NINL: variants seen among roughly 807,000 people sequenced by gnomAD.
NINL encodes ninein like, also known as ninein-like protein.
NINL carries 153 observed loss-of-function variants against 160.3 expected under a neutral mutation model. That is an observed-to-expected ratio of 0.95 (90% CI 0.84 to 1.09). NINL has a LOEUF of 1.09. NINL is among the 50% of genes least tolerant of loss of function. NINL has a pLI of 0.00. For synonymous variants in NINL, 800 were observed against 734.8 expected (o/e 1.09, Z -1.43); for missense variants, 1,829 against 1,764.0 (o/e 1.04, Z -0.66).
In NINL at chr20:25,476,975, C is replaced by T. The variant is rs1220402769; in HGVS notation, c.2316G>A (p.Gly772=). ...GCTCCAGCTGCTCCGACCTCTGGCTCCCGCGTGGCAGGGGTCCCTGCGGCG... is the reference window on the plus strand; with the variant it reads ...GCTCCAGCTGCTCCGACCTCTGGCTTCCGCGTGGCAGGGGTCCCTGCGGCG... ...EEPPQGPLPR[G]SQRSEQLELE... The change falls in exon 17 of 24, where the codon GGG becomes GGA. Residue 772 remains glycine, a synonymous_variant. Transcript: ENST00000278886. 4 of 1,606,682 alleles carry T rather than the reference C, an allele frequency of 2.5e-6. No homozygotes were observed. Among genetic ancestry groups the T allele is most frequent in the Middle Eastern group, 1.6e-4 (1 of 6,084 alleles).
intron 7 of NINL, among the ~76,000 whole-genome samples, 173 bp downstream of exon 7, chr20:25,503,779 G>C (rs1207260127): frequency 6.6e-6 from 1 of 152,196 alleles, no homozygotes; most frequent in East Asian, 1.9e-4. Flanking sequence ...AATCTATGTG[G>C]CTCCAGAATC....
rs550222902 is a variant in NINL at position 25,550,537 on chromosome 20, C to A, written c.-11-23939G>T. Among the ~76,000 whole-genome samples, 10 of 152,166 alleles carry A rather than the reference C, an allele frequency of 6.6e-5. No homozygotes were observed. The East Asian group carries it at 1.9e-3, about 29-fold the overall frequency. On this transcript the variant is annotated intron_variant, in intron 1 of 23. Coordinates refer to ENST00000278886, the MANE Select transcript of NINL (RefSeq NM_025176.6). ...CAGTATTTATTGATCACTATCTATA[C>A]TATCTCGGTGAGGGGGATGTGGCAG...
chr20:25,508,160 G>A (rs977003597), intron 5 of NINL, among the ~76,000 whole-genome samples: 1 of 152,196 alleles, frequency 6.6e-6, no homozygotes, highest in African/African-American at 2.4e-5. Flanking sequence ...TGGAAGCTCA[G>A]GTCAGTTTCC....
chr20:25,459,017 G>A (rs562521824), intron 21 of NINL: 27 of 157,672 alleles, frequency 1.7e-4, no homozygotes, highest in Non-Finnish European at 1.4e-5. Context: ...ACTGTCTGCT[G>A]GAGGTGGGCT....
chr20:25,467,487 AC>A, intron 18 of NINL, 29 bp from the exon 19 acceptor site: 1 of 1,539,038 alleles, frequency 6.5e-7, no homozygotes, highest in Non-Finnish European at 9.0e-7. Context: ...TAACAGTGAT[AC>A]CACTTGTGAC....
At position 25,461,529 on chromosome 20, in the gene NINL, T is replaced by C; in HGVS notation, c.3689A>G (p.Gln1230Arg). 2 of 1,565,780 alleles carry C rather than the reference T, an allele frequency of 1.3e-6. No individual in the cohort carries two copies. The highest frequency in any genetic ancestry group is 1.7e-6 in the Non-Finnish European group (2 of 1,160,586). The change falls in exon 21 of 24, where the codon CAA (glutamine) becomes CGA (arginine). Residue 1230 changes from glutamine (Q) to arginine (R), a missense_variant. By Grantham distance (43) the Gln-to-Arg change is conservative (BLOSUM62 1). Coordinates refer to ENST00000278886, the MANE Select transcript of NINL (RefSeq NM_025176.6). ...SELTQTLEES[Q>R]DQVQGAHLRL... is the part of the protein sequence containing the mutation. ...GCCATCGCTCACACCCACCTGGTCT[T>C]GACTTTCCTCAAGGGTCTGGGTCAG...
chr20:25,559,413 G>A (rs73337346), intron 1 of NINL, among the ~76,000 whole-genome samples: 13,292 of 152,040 alleles, frequency 0.087, 962 homozygotes, highest in African/African-American at 0.2. Flanking sequence ...ACTAATTTTT[G>A]TATTTTTATT....
intron 3 of NINL, among the ~76,000 whole-genome samples, chr20:25,516,052 G>A (rs916582990): frequency 3.9e-5 from 6 of 152,098 alleles, no homozygotes; most frequent in Non-Finnish European, 7.3e-5. Context: ...GGGATTACAG[G>A]TGTAAGCCAC....
chr20:25,510,413 G>T (rs558905165), intron 5 of NINL, among the ~76,000 whole-genome samples: 3 of 152,318 alleles, frequency 2.0e-5, no homozygotes, highest in Admixed American at 2.0e-4. Context: ...AAAGTGTGAC[G>T]AACCACGATG....
intron 1 of NINL, among the ~76,000 whole-genome samples, chr20:25,585,033 C>T (rs1410965531): frequency 4.0e-5 from 6 of 150,996 alleles, no homozygotes; most frequent in Admixed American, 1.3e-4. Flanking sequence ...CGACCAGACG[C>T]CGGCGGCGTC....
chr20:25,522,062 C>G (rs2064273851), intron 2 of NINL, among the ~76,000 whole-genome samples: 1 of 152,010 alleles, frequency 6.6e-6, no homozygotes, highest in Non-Finnish European at 1.5e-5. Context: ...TGTACCACCA[C>G]CCCCAGCTAA....
intron 1 of NINL, among the ~76,000 whole-genome samples, chr20:25,561,937 G>A (rs1294331095): frequency 7.4e-5 from 11 of 148,694 alleles, no homozygotes; most frequent in Middle Eastern, 3.7e-3. Context: ...CGCCCCGTCC[G>A]GGAGGGAGGT....
At chr20:25,554,159 C>T (rs1028345158) in intron 1 of NINL, among the ~76,000 whole-genome samples, 2 of 152,210 alleles carry the variant, frequency 1.3e-5, no homozygotes, top group South Asian at 2.1e-4. Flanking sequence ...CGAGGTGTGT[C>T]GAGGCAACAA....
At position 25,462,399 on chromosome 20, in the gene NINL, C is replaced by G. The variant is rs757265210; in HGVS notation, c.3566G>C (p.Arg1189Pro). ...GCCACCCACCTGCTGCTGCCCACTGCGAACCACCTCCTCCAGGCTCTGTGT... is the reference window on the plus strand; with the variant it reads ...GCCACCCACCTGCTGCTGCCCACTGGGAACCACCTCCTCCAGGCTCTGTGT... ...MLTQSLEEVV[R>P]SGQQQSDQIQ... Residue 1189 changes from arginine to proline, a missense_variant, in exon 20 of 24, where the codon CGC (arginine) becomes CCC (proline). Physicochemically the swap from Arg to Pro is moderately radical, Grantham distance 103. Coordinates refer to ENST00000278886, the MANE Select transcript of NINL (RefSeq NM_025176.6). 3 of 1,613,330 alleles carry G rather than the reference C, an allele frequency of 1.9e-6. No homozygotes were observed. Among genetic ancestry groups the G allele is most frequent in the East Asian group, 2.2e-5 (1 of 44,850 alleles).
intron 1 of NINL, among the ~76,000 whole-genome samples, chr20:25,562,916 C>T (rs2064960734): frequency 1.3e-5 from 2 of 152,176 alleles, no homozygotes; most frequent in Admixed American, 1.3e-4. Context: ...ACCTGTAATC[C>T]CAGCACTTTG....
chr20:25,487,850 G>C (rs1034576691), intron 13 of NINL, among the ~76,000 whole-genome samples: 5 of 152,262 alleles, frequency 3.3e-5, no homozygotes, highest in Admixed American at 2.0e-4. Flanking sequence ...GGCTGGGCCA[G>C]CCATCAGCTC....
At chr20:25,495,806 TTC>T (rs2063741240) in intron 10 of NINL, among the ~76,000 whole-genome samples, 1 of 152,214 alleles carries the variant, frequency 6.6e-6, no homozygotes, top group African/African-American at 2.4e-5. Context: ...TCCTCAGATG[TTC>T]TGTTTGTGAA....
intron 6 of NINL, 73 bp from the exon 7 acceptor site, chr20:25,504,177 C>G: frequency 6.8e-7 from 1 of 1,459,982 alleles, no homozygotes; most frequent in East Asian, 2.4e-5. Flanking sequence ...GGGCCTCCCT[C>G]CCTCCCTCCC....
intron 18 of NINL, among the ~76,000 whole-genome samples, chr20:25,469,253 G>A (rs1344674419): frequency 3.1e-5 from 2 of 64,844 alleles, no homozygotes; most frequent in African/African-American, 7.1e-5. Flanking sequence ...CTCATTGGTG[G>A]GCACCCCCCT....
Sources: gnomAD v4.1 joint callset for allele counts (sites outside exome capture counted in the v4.1 genomes callset) on GRCh38, gnomAD v4.1.1 for gene constraint, MANE v1.5 for transcripts, NCBI Gene and HGNC (gene_info 2026-07-23, HGNC 2026-07-21) for gene names.